STARD13: variants seen among roughly 807,000 people sequenced by gnomAD.
The protein encoded by STARD13 is StAR related lipid transfer domain containing 13.
Under a neutral mutation model 106.4 loss-of-function variants are expected in STARD13, and 62 were observed. The ratio of observed to expected loss-of-function variants is 0.58; its 90% CI spans 0.48 to 0.72. The LOEUF (loss-of-function observed/expected upper bound fraction) is 0.72, where lower values mean the gene tolerates loss of function less well. Ranked by LOEUF, STARD13 falls within the 30% of genes least tolerant of loss-of-function variation. The pLI is 0.00. For synonymous variants in STARD13, 565 were observed against 553.0 expected, an observed-to-expected ratio of 1.02 and a Z score of -0.31; for missense variants, 1,387 against 1,424.0, an observed-to-expected ratio of 0.97 and a Z score of 0.42.
intron 1 of STARD13, among the ~76,000 whole-genome samples, chr13:33,246,974 G>A (rs2858137): frequency 0.78 from 118,879 of 151,686 alleles, 47,315 homozygotes; most frequent in African/African-American, 0.94. Flanking sequence ...AGGCAGGTGG[G>A]TCGCCTGAGG....
At chr13:33,660,073 G>C in the STARD13 span, 1 of 152,222 alleles carries the variant, frequency 6.6e-6, no homozygotes, top group Non-Finnish European at 1.5e-5. Flanking sequence ...ATTGAGGGAG[G>C]AGAGAAGAGG....
the STARD13 span, among the ~76,000 whole-genome samples, chr13:33,443,808 C>T: frequency 6.8e-6 from 1 of 147,398 alleles, no homozygotes; most frequent in African/African-American, 2.5e-5. Flanking sequence ...CATTTGGACC[C>T]AGGAGATGGA....
the STARD13 span, among the ~76,000 whole-genome samples, chr13:33,560,416 C>T: frequency 4.5e-3 from 683 of 151,064 alleles, 3 homozygotes; most frequent in Middle Eastern, 0.027. Flanking sequence ...AAGGATTAGT[C>T]TTCAAAATGG....
chr13:33,399,700 C>CAAAAA, the STARD13 span, among the ~76,000 whole-genome samples: 5 of 26,942 alleles, frequency 1.9e-4, no homozygotes, highest in Non-Finnish European at 3.6e-4. Flanking sequence ...GACTCTGTCT[C>CAAAAA]AAAAAAAAAA....
At chr13:33,125,746 G>T (rs1190839138) in intron 7 of STARD13, among the ~76,000 whole-genome samples, 1 of 152,104 alleles carries the variant, frequency 6.6e-6, no homozygotes, top group Non-Finnish European at 1.5e-5. Flanking sequence ...ATCAATGGTG[G>T]CACTGAAATA....
At chr13:33,542,340 C>T in the STARD13 span, among the ~76,000 whole-genome samples, 1 of 152,218 alleles carries the variant, frequency 6.6e-6, no homozygotes, top group Non-Finnish European at 1.5e-5. Flanking sequence ...GAAAACAGTA[C>T]AGATCCAGTT....
At chr13:33,605,359 A>G in the STARD13 span, among the ~76,000 whole-genome samples, 2 of 151,672 alleles carry the variant, frequency 1.3e-5, no homozygotes, top group Admixed American at 1.3e-4. Context: ...TTGGAACTAC[A>G]GGAGTAAGTC....
chr13:33,483,720 T>C, the STARD13 span, among the ~76,000 whole-genome samples: 2 of 152,122 alleles, frequency 1.3e-5, no homozygotes, highest in African/African-American at 4.8e-5. Context: ...CCAGTTTCAA[T>C]TGATCAGAGA....
At chr13:33,481,140 A>G in the STARD13 span, among the ~76,000 whole-genome samples, 1 of 152,148 alleles carries the variant, frequency 6.6e-6, no homozygotes, top group Non-Finnish European at 1.5e-5. Flanking sequence ...TGGTAAATGA[A>G]AAGAATCAAG....
At chr13:33,298,345 T>C (rs1469745053) in intron 1 of STARD13, among the ~76,000 whole-genome samples, 4 of 151,226 alleles carry the variant, frequency 2.6e-5, no homozygotes, top group Non-Finnish European at 4.4e-5. Context: ...TTCACCATGT[T>C]GGTCCAGTCT....
At chr13:33,365,257 C>T in the STARD13 span, among the ~76,000 whole-genome samples, 1 of 152,124 alleles carries the variant, frequency 6.6e-6, no homozygotes, top group Non-Finnish European at 1.5e-5. Flanking sequence ...ACATCCACAG[C>T]TTTGAGGCTC....
chr13:33,598,634 T>G, the STARD13 span, among the ~76,000 whole-genome samples: 1 of 152,256 alleles, frequency 6.6e-6, no homozygotes, highest in Non-Finnish European at 1.5e-5. Context: ...CAACTGATAT[T>G]TTCTCAGTTT....
the STARD13 span, among the ~76,000 whole-genome samples, chr13:33,647,362 A>C: frequency 2.6e-5 from 4 of 152,230 alleles, no homozygotes; most frequent in Non-Finnish European, 5.9e-5. Flanking sequence ...AAAAGCATAT[A>C]TTTAATATTT....
intron 1 of STARD13, among the ~76,000 whole-genome samples, chr13:33,168,091 A>T (rs930160326): frequency 3.3e-5 from 5 of 152,056 alleles, no homozygotes; most frequent in Admixed American, 2.0e-4. Flanking sequence ...AAAGACTACA[A>T]CTAGATTGCC....
chr13:33,219,084 C>T (rs1164938245), intron 1 of STARD13, among the ~76,000 whole-genome samples: 2 of 152,166 alleles, frequency 1.3e-5, no homozygotes, highest in East Asian at 3.9e-4. Flanking sequence ...AATACAATTA[C>T]AGGGTACTAT....
At chr13:33,163,406 A>G (rs1882867364) in intron 3 of STARD13, among the ~76,000 whole-genome samples, 1 of 151,694 alleles carries the variant, frequency 6.6e-6, no homozygotes, top group East Asian at 1.9e-4. Flanking sequence ...CCTGGCCAAC[A>G]TGGTGAAACC....
At chr13:33,153,698 G>A (rs776512972) in intron 3 of STARD13, among the ~76,000 whole-genome samples, 9 of 152,338 alleles carry the variant, frequency 5.9e-5, no homozygotes, top group Non-Finnish European at 1.0e-4. Flanking sequence ...CTTTAGACTG[G>A]TCATGAAGTC....
chr13:33,127,455 T>A lies in STARD13; in HGVS notation c.1840A>T (p.Ser614Cys). ...AGCAGTGAGAAGCGCTGGAGCAGGC[T>A]CAGCTGGCTGGCCGTCTGGCTGCTG... The part of the protein sequence containing the change: ...HISSQTASQL[S>C]LLQRFSLLRL... The change falls in exon 6 of 14, where the codon AGC becomes TGC. Residue 614 changes from serine (S) to cysteine (C), a missense_variant. Ser to Cys is a moderately radical substitution (Grantham distance 112, BLOSUM62 -1). Transcript: ENST00000336934. 1 of 1,602,104 alleles carries A rather than the reference T, an allele frequency of 6.2e-7. No homozygotes were observed. Among genetic ancestry groups the A allele is most frequent in the Non-Finnish European group, 8.5e-7 (1 of 1,178,332 alleles).
the STARD13 span, among the ~76,000 whole-genome samples, chr13:33,494,277 G>A: frequency 6.6e-6 from 1 of 151,920 alleles, no homozygotes; most frequent in African/African-American, 2.4e-5. Context: ...ACCCCCACCC[G>A]GGGCACTTAT....
Sources: allele counts gnomAD v4.1 joint callset (sites outside exome capture counted in the v4.1 genomes callset), GRCh38; gene constraint gnomAD v4.1.1; transcripts MANE v1.5; gene names NCBI Gene and HGNC (gene_info 2026-07-23, HGNC 2026-07-21).